Variants in TRDMT1 observed in about 807,000 individuals in gnomAD.
TRDMT1 encodes the protein tRNA aspartic acid methyltransferase 1.
TRDMT1 carries 49 observed loss-of-function variants against 51.2 expected under a neutral mutation model. The observed-to-expected ratio is 0.96, with a 90% CI of 0.76 to 1.21. TRDMT1 has a LOEUF of 1.21. Ranked by LOEUF, TRDMT1 falls within the 50% of genes most tolerant of loss-of-function variation. The probability of loss-of-function intolerance (pLI) is 0.00; values close to 1 mark genes in which losing one functional copy is unlikely to be tolerated. For missense variants in TRDMT1, 534 were observed against 462.3 expected, an observed-to-expected ratio of 1.16 and a Z score of -1.42; for synonymous variants, 187 against 164.6, an observed-to-expected ratio of 1.14 and a Z score of -1.04.
intron 7 of TRDMT1, among the ~76,000 whole-genome samples, chr10:17,158,910 G>C (rs984128093): frequency 5.9e-5 from 9 of 151,962 alleles, no homozygotes; most frequent in Admixed American, 2.0e-4. Context: ...TAACTCATTT[G>C]TTTTCTAATG....
rs375196242 is a variant in TRDMT1 at position 17,198,950 on chromosome 10, C to T, written c.64+2621G>A. ...AAGTTAGTAGTTCTAACCAGAACAA[C>T]GGCAACATAGCATAGTTAAAAGGTC... On this transcript the variant is annotated intron_variant, in intron 1 of 10. Coordinates refer to ENST00000377799, the MANE Select transcript of TRDMT1 (RefSeq NM_004412.7). 2.2e-3 allele frequency among the ~76,000 whole-genome samples: 339 copies of T among 152,184 alleles called. 2 individuals are homozygous for T. Among genetic ancestry groups the T allele is most frequent in the Non-Finnish European group, 3.3e-3 (227 of 68,000 alleles).
chr10:17,201,301 C>T (rs902837269), intron 1 of TRDMT1: 4 of 456,264 alleles, frequency 8.8e-6, no homozygotes, highest in Non-Finnish European at 7.8e-6. Context: ...TGATTTACTG[C>T]CTTGCGAATC....
intron 7 of TRDMT1, among the ~76,000 whole-genome samples, chr10:17,158,933 A>G (rs904877263): frequency 3.9e-5 from 6 of 152,150 alleles, no homozygotes; most frequent in African/African-American, 1.4e-4. Context: ...AAAAAGAAAC[A>G]TTGTTTTGTT....
Position 17,141,617 on chromosome 10 carries a change from T to C in TRDMT1, c.*7423A>G, listed in dbSNP as rs1837700579. ...CCACAGGTCCCCAAGGCTCTGTTAA[T>C]TTTTTTTGTCAGCCTATCTTTGCCC... On this transcript the variant is annotated 3_prime_UTR_variant, in exon 11 of 11. Coordinates refer to ENST00000377799, the MANE Select transcript of TRDMT1 (RefSeq NM_004412.7). Among the ~76,000 whole-genome samples the C allele has an allele frequency of 6.6e-6, 1 of 152,068 alleles. No individual in the cohort carries two copies. The highest frequency in any genetic ancestry group is 6.5e-5 in the Admixed American group (1 of 15,268).
In TRDMT1 at chr10:17,146,851, C is replaced by A. The variant is rs1056034935; in HGVS notation, c.*2189G>T. The stretch of plus-strand genomic sequence containing the variant: ...AAATTAATTATGCATACATATACAT[C>A]TGCTAATTGAATGACACTGGTAGAT... On this transcript the variant is annotated 3_prime_UTR_variant, in exon 11 of 11. Transcript: ENST00000377799. 7 of 985,234 alleles carry A rather than the reference C, an allele frequency of 7.1e-6. No individual in the cohort carries two copies. In the African/African-American group the frequency reaches 1.2e-4, roughly 17 times the overall value. 61.0% of individuals were successfully genotyped at this position (985,234 alleles called of 1,614,324 possible).
chr10:17,160,602 C>T (rs1840207402), intron 5 of TRDMT1, among the ~76,000 whole-genome samples: 1 of 152,022 alleles, frequency 6.6e-6, no homozygotes, highest in East Asian at 1.9e-4. Flanking sequence ...TCCTGAGTAA[C>T]TGGGATTACA....
intron 1 of TRDMT1, among the ~76,000 whole-genome samples, chr10:17,184,765 A>G (rs991383310): frequency 2.0e-5 from 3 of 152,172 alleles, no homozygotes; most frequent in Non-Finnish European, 2.9e-5. Context: ...CCTCCTAACT[A>G]TATCATTCTC....
chr10:17,154,974 C>T (rs886448502), intron 8 of TRDMT1, among the ~76,000 whole-genome samples: 5 of 150,112 alleles, frequency 3.3e-5, no homozygotes, highest in Middle Eastern at 3.4e-3. Flanking sequence ...AATCCCAGCA[C>T]TTTGGGAGGC....
intron 3 of TRDMT1, among the ~76,000 whole-genome samples, 169 bp downstream of exon 3, chr10:17,168,672 C>T (rs1346700538): frequency 6.6e-6 from 1 of 152,150 alleles, no homozygotes; most frequent in Non-Finnish European, 1.5e-5. Flanking sequence ...ACCTGCTGCC[C>T]GTGACTTGTT....
intron 3 of TRDMT1, among the ~76,000 whole-genome samples, chr10:17,165,570 G>A (rs2131461719): frequency 6.6e-6 from 1 of 152,244 alleles, no homozygotes; most frequent in Non-Finnish European, 1.5e-5. Flanking sequence ...ACTACCATCA[G>A]AATGAACAGG....
At chr10:17,181,776 G>A (rs550918047) in intron 1 of TRDMT1, among the ~76,000 whole-genome samples, 6 of 152,250 alleles carry the variant, frequency 3.9e-5, no homozygotes, top group East Asian at 3.9e-4. Flanking sequence ...GCTATTGTCA[G>A]GCAGTAAGTA....
In TRDMT1 at chr10:17,147,106, G is replaced by A. The variant is rs1305757450; in HGVS notation, c.*1934C>T. ...TTTGTATAATGTTGCTCAACCGAAT[G>A]TGGGATACTATAATTATAGCATAAT... is the stretch of plus-strand genomic sequence containing the variant. On this transcript the variant is annotated 3_prime_UTR_variant, in exon 11 of 11. Transcript: ENST00000377799. 1.0e-6 allele frequency: 1 copy of A among 985,698 alleles called. No individual in the cohort carries two copies. The highest frequency in any genetic ancestry group is 1.2e-6 in the Non-Finnish European group (1 of 829,928). The allele number at this position is 985,698 out of a possible 1,614,324, so 61.1% of individuals were successfully genotyped here.
chr10:17,164,967 G>A (rs1011219801), intron 3 of TRDMT1, among the ~76,000 whole-genome samples: 6 of 152,122 alleles, frequency 3.9e-5, no homozygotes, highest in African/African-American at 1.4e-4. Context: ...TAGATTCAAT[G>A]CCATCCCCAT....
At chr10:17,162,596 A>G (rs139711719) in intron 3 of TRDMT1, among the ~76,000 whole-genome samples, 165 of 152,048 alleles carry the variant, frequency 1.1e-3, no homozygotes, top group African/African-American at 3.8e-3. Flanking sequence ...TAATCCCAGC[A>G]CTTCGGAAGG....
chr10:17,162,725 C>T (rs938234035), intron 3 of TRDMT1, among the ~76,000 whole-genome samples: 1 of 152,110 alleles, frequency 6.6e-6, no homozygotes, highest in African/African-American at 2.4e-5. Context: ...CGCCTGTAAT[C>T]CCACCTACTC....
Position 17,201,620 on chromosome 10 carries a change from C to A in TRDMT1, c.15G>T (p.Arg5=). 1 of 1,545,960 alleles carries A rather than the reference C, an allele frequency of 6.5e-7. No homozygotes were observed. Among genetic ancestry groups the A allele is most frequent in the Non-Finnish European group, 8.7e-7 (1 of 1,144,974 alleles). MEPL[R]VLELYSGVGG... ...CCACGCCGCTGTATAGCTCCAGCAC[C>A]CGCAGGGGCTCCATCCCCGCGCCTC... The change falls in exon 1 of 11, where the codon CGG becomes CGT. Residue 5 remains arginine, a synonymous_variant. Transcript: ENST00000377799.
In TRDMT1 at chr10:17,147,864, T is replaced by C. The variant is rs116232424; in HGVS notation, c.*1176A>G. 4.4e-3 allele frequency: 1,697 copies of C among 388,636 alleles called. 24 individuals carry two copies. The highest frequency in any genetic ancestry group is 0.035 in the African/African-American group (1,607 of 45,874). The allele number at this position is 388,636 out of a possible 1,614,324, so 24.1% of individuals were successfully genotyped here. On this transcript the variant is annotated 3_prime_UTR_variant, in exon 11 of 11. Transcript: ENST00000377799. ...ATCGCTGAATCATAGGGTAATTCTATGTTGAATTTTGTGACGAACCTCCAT... is the reference window on the plus strand; with the variant it reads ...ATCGCTGAATCATAGGGTAATTCTACGTTGAATTTTGTGACGAACCTCCAT...
chr10:17,143,730 G>A lies in TRDMT1; in HGVS notation c.*5310C>T. On this transcript the variant is annotated 3_prime_UTR_variant, in exon 11 of 11. Coordinates refer to ENST00000377799, the MANE Select transcript of TRDMT1 (RefSeq NM_004412.7). ...AAAATAAATGATCGTTCAGAGGCCTGCCTTAGGAAGGCCATTTTAACAGAA... is the reference window on the plus strand; with the variant it reads ...AAAATAAATGATCGTTCAGAGGCCTACCTTAGGAAGGCCATTTTAACAGAA... 2 of 985,424 alleles carry A rather than the reference G, an allele frequency of 2.0e-6. No homozygotes were observed. Among genetic ancestry groups the A allele is most frequent in the Non-Finnish European group, 2.4e-6 (2 of 829,916 alleles). 61.0% of individuals were successfully genotyped at this position (985,424 alleles called of 1,614,324 possible).
chr10:17,160,400 A>G, intron 5 of TRDMT1, 26 bp from the exon 6 acceptor site: 3 of 1,409,612 alleles, frequency 2.1e-6, no homozygotes, highest in Non-Finnish European at 2.9e-6. Context: ...AAAAACTTTA[A>G]TTCTTACTTG....
Sources: allele counts gnomAD v4.1 joint callset (sites outside exome capture counted in the v4.1 genomes callset), GRCh38; gene constraint gnomAD v4.1.1; transcripts MANE v1.5; gene names NCBI Gene and HGNC (gene_info 2026-07-23, HGNC 2026-07-21).